The following AFDN variants were observed in gnomAD, a reference collection of about 807,000 sequenced individuals.
AFDN encodes afadin, adherens junction formation factor.
AFDN carries 68 observed loss-of-function variants against 216.6 expected under a neutral mutation model. That is an observed-to-expected ratio of 0.31 (90% confidence interval 0.26 to 0.38). The LOEUF (loss-of-function observed/expected upper bound fraction) is 0.38, where lower values mean the gene tolerates loss of function less well. AFDN is among the 10% of genes least tolerant of loss of function. The pLI is 1.00. For missense variants in AFDN, 2,136 were observed against 2,342.0 expected (o/e 0.91, Z 1.82); for synonymous variants, 868 against 853.7 (o/e 1.02, Z -0.29).
Position 167,952,068 on chromosome 6 carries a change from CA to C in AFDN, c.4715del (p.Gln1572ArgfsTer28). ...DRLRKLMLEW[Q>X]FQKRLQESKQ... ...GCTGCGCAAGCTCATGCTGGAGTGGCAGTTCCAGAAGAGACTCCAGGAGTCG... is the reference window on the plus strand; with the variant it reads ...GCTGCGCAAGCTCATGCTGGAGTGGCGTTCCAGAAGAGACTCCAGGAGTCG... On this transcript the variant is annotated frameshift_variant, in exon 30 of 34. Coordinates refer to ENST00000683244, the MANE Select transcript of AFDN (RefSeq NM_001386888.1). LOFTEE classifies it high-confidence loss of function. The C allele has an allele frequency of 6.2e-7, 1 of 1,614,090 alleles. No homozygotes were observed. The highest frequency in any genetic ancestry group is 1.1e-5 in the South Asian group (1 of 91,076).
In AFDN at chr6:167,915,298, G is replaced by T; in HGVS notation, c.2430G>T (p.Val810=). The change falls in exon 19 of 34, where the codon GTG becomes GTT. Residue 810 remains valine (V), a synonymous_variant. Coordinates refer to ENST00000683244, the MANE Select transcript of AFDN (RefSeq NM_001386888.1). ...FINMWLFNRL[V]TDPDSGLCSH... Reference sequence around the variant, plus strand: ...ATATGTGGCTGTTCAATAGATTGGTGACCGACCCAGATTCGGGGCTGTGCT... The same window carrying T: ...ATATGTGGCTGTTCAATAGATTGGTTACCGACCCAGATTCGGGGCTGTGCT... The T allele has an allele frequency of 6.2e-7, 1 of 1,614,106 alleles. No individual in the cohort carries two copies.
intron 1 of AFDN, among the ~76,000 whole-genome samples, chr6:167,862,724 A>C (rs571241042): frequency 6.6e-6 from 1 of 152,376 alleles, no homozygotes; most frequent in South Asian, 2.1e-4. Context: ...GGACATGTTT[A>C]AAAGGATGTC....
At chr6:167,842,245 C>A (rs1389158931) in intron 1 of AFDN, among the ~76,000 whole-genome samples, 1 of 152,010 alleles carries the variant, frequency 6.6e-6, no homozygotes, top group Non-Finnish European at 1.5e-5. Context: ...GCTTTATTTA[C>A]CACCCTTTTT....
chr6:167,914,394 T>C, intron 17 of AFDN, 81 bp downstream of exon 17: 1 of 1,530,954 alleles, frequency 6.5e-7, no homozygotes, highest in Non-Finnish European at 8.9e-7. Flanking sequence ...CAAACTAATT[T>C]TAAGATTTAT....
chr6:167,889,377 C>A, intron 7 of AFDN, 51 bp downstream of exon 7: 2 of 1,228,834 alleles, frequency 1.6e-6, no homozygotes, highest in Non-Finnish European at 2.4e-6. Flanking sequence ...TGTGATATAC[C>A]AGGTGTTCAC....
At chr6:167,960,460 T>C (rs1796929331) in intron 30 of AFDN, among the ~76,000 whole-genome samples, 2 of 152,256 alleles carry the variant, frequency 1.3e-5, no homozygotes, top group African/African-American at 4.8e-5. Flanking sequence ...TGGTCTATCA[T>C]TGTGTAACAC....
chr6:167,836,593 G>A (rs933694107), intron 1 of AFDN, among the ~76,000 whole-genome samples: 1 of 152,102 alleles, frequency 6.6e-6, no homozygotes, highest in Non-Finnish European at 1.5e-5. Context: ...TTTAAGATTA[G>A]CATCACTTAA....
At chr6:167,897,586 C>T (rs1318692904) in intron 10 of AFDN, among the ~76,000 whole-genome samples, 1 of 144,302 alleles carries the variant, frequency 6.9e-6, no homozygotes, top group African/African-American at 2.6e-5. Flanking sequence ...TGCTAATGAT[C>T]TGTTTAGATT....
At chr6:167,857,578 G>A (rs1040744273) in intron 1 of AFDN, among the ~76,000 whole-genome samples, 1 of 151,898 alleles carries the variant, frequency 6.6e-6, no homozygotes, top group Non-Finnish European at 1.5e-5. Flanking sequence ...CATTCATGGG[G>A]CCTTTGAACT....
intron 2 of AFDN, among the ~76,000 whole-genome samples, chr6:167,865,561 T>C (rs902787342): frequency 2.6e-5 from 4 of 152,186 alleles, no homozygotes; most frequent in African/African-American, 9.6e-5. Context: ...TTCAGTGAGC[T>C]AGGATCGTGC....
chr6:167,937,179 C>T (rs2300798), intron 23 of AFDN, among the ~76,000 whole-genome samples: 44,331 of 151,912 alleles, frequency 0.29, 7,341 homozygotes, highest in East Asian at 0.6. Flanking sequence ...CAGAGCAGTC[C>T]GTGAAGTGGA....
At position 167,914,756 on chromosome 6, in the gene AFDN, C is replaced by T. The variant is rs527508965; in HGVS notation, c.2299+18C>T. The T allele has an allele frequency of 1.9e-5, 28 of 1,506,710 alleles. No individual in the cohort carries two copies. The East Asian group carries it at 5.9e-4, about 32-fold the overall frequency. 93.3% of individuals were successfully genotyped at this position (1,506,710 alleles called of 1,614,324 possible). A position where few individuals can be genotyped will look rare whatever the true frequency, so the allele number is the denominator to read the frequency against. On this transcript the variant is annotated intron_variant, in intron 18 of 33. Transcript: ENST00000683244. ...AAAAATAGGTTAGGATGTTTTCTGACTGTCTCCCTCTATCCCGCTTCCTTC... is the reference window on the plus strand; with the variant it reads ...AAAAATAGGTTAGGATGTTTTCTGATTGTCTCCCTCTATCCCGCTTCCTTC...
chr6:167,965,747 C>A lies in AFDN; in HGVS notation c.4969-10C>A. 1 of 1,522,026 alleles carries A rather than the reference C, an allele frequency of 6.6e-7. No individual in the cohort carries two copies. Among genetic ancestry groups the A allele is most frequent in the Non-Finnish European group, 8.8e-7 (1 of 1,135,552 alleles). 94.3% of individuals were successfully genotyped at this position (1,522,026 alleles called of 1,614,324 possible). A position where few individuals can be genotyped will look rare whatever the true frequency, so the allele number is the denominator to read the frequency against. Reference sequence around the variant, plus strand: ...CTGACCTTTGCACTCTTGTCTATTCCCGCCCGCAGAGGCGACAGGAAGAAG... The same window carrying A: ...CTGACCTTTGCACTCTTGTCTATTCACGCCCGCAGAGGCGACAGGAAGAAG... On this transcript the variant is annotated splice_polypyrimidine_tract_variant and intron_variant, in intron 31 of 33. Coordinates refer to ENST00000683244, the MANE Select transcript of AFDN (RefSeq NM_001386888.1).
At chr6:167,873,826 C>A (rs187676630) in intron 4 of AFDN, among the ~76,000 whole-genome samples, 94 of 152,234 alleles carry the variant, frequency 6.2e-4, no homozygotes, top group Admixed American at 1.1e-3. Flanking sequence ...AAGGCTTTTT[C>A]CCATTTTAAA....
chr6:167,894,497 T>C (rs1349225818), intron 9 of AFDN, among the ~76,000 whole-genome samples: 1 of 152,208 alleles, frequency 6.6e-6, no homozygotes, highest in Non-Finnish European at 1.5e-5. Context: ...GAGATAACTG[T>C]CCTTCTAATT....
intron 12 of AFDN, among the ~76,000 whole-genome samples, chr6:167,902,668 T>A (rs1212417617): frequency 6.6e-6 from 1 of 152,224 alleles, no homozygotes; most frequent in East Asian, 1.9e-4. Context: ...AACAATATAC[T>A]CAAATAAGAG....
intron 11 of AFDN, among the ~76,000 whole-genome samples, chr6:167,899,746 G>A (rs1009901333): frequency 4.6e-5 from 7 of 152,074 alleles, no homozygotes; most frequent in South Asian, 4.1e-4. Flanking sequence ...AGTTTCTTCC[G>A]CTGTGTGTTA....
chr6:167,853,566 A>T (rs1782555127), intron 1 of AFDN, among the ~76,000 whole-genome samples: 1 of 152,104 alleles, frequency 6.6e-6, no homozygotes, highest in Non-Finnish European at 1.5e-5. Flanking sequence ...TTAAATAGTT[A>T]CATGGTTCCA....
At chr6:167,830,853 T>A (rs1779744628) in intron 1 of AFDN, among the ~76,000 whole-genome samples, 1 of 150,770 alleles carries the variant, frequency 6.6e-6, no homozygotes, top group Non-Finnish European at 1.5e-5. Context: ...AATAATTGCA[T>A]AACTTATAGC....
Sources: gnomAD v4.1 joint callset for allele counts (sites outside exome capture counted in the v4.1 genomes callset) on GRCh38, gnomAD v4.1.1 for gene constraint, MANE v1.5 for transcripts, NCBI Gene and HGNC (gene_info 2026-07-23, HGNC 2026-07-21) for gene names.